The following MYT1L variants were observed in gnomAD, a reference collection of about 807,000 sequenced individuals.
The protein encoded by MYT1L is myelin transcription factor 1 like.
MYT1L carries 12 observed loss-of-function variants against 126.7 expected under a neutral mutation model. That is an observed-to-expected ratio of 0.09 (90% CI 0.06 to 0.15). The LOEUF is 0.15. MYT1L is among the 10% of genes least tolerant of loss of function. The pLI, the probability that MYT1L is intolerant of heterozygous loss-of-function variation, is 1.00. For missense variants in MYT1L, 979 were observed against 1,585.2 expected, an observed-to-expected ratio of 0.62 and a Z score of 6.49; for synonymous variants, 541 against 604.2, an observed-to-expected ratio of 0.90 and a Z score of 1.53.
chr2:1,797,235 G>A (rs1188356122), intron 23 of MYT1L, among the ~76,000 whole-genome samples: 1 of 152,146 alleles, frequency 6.6e-6, no homozygotes, highest in Non-Finnish European at 1.5e-5. Context: ...TTAGAGACTG[G>A]GAAGGGACCG....
intron 4 of MYT1L, among the ~76,000 whole-genome samples, chr2:2,044,327 C>T (rs1306802354): frequency 6.6e-6 from 1 of 152,208 alleles, no homozygotes; most frequent in Non-Finnish European, 1.5e-5. Context: ...CTAACTATAT[C>T]TGAAGTTATC....
At chr2:2,322,374 T>C (rs2149703064) in intron 1 of MYT1L, among the ~76,000 whole-genome samples, 1 of 152,278 alleles carries the variant, frequency 6.6e-6, no homozygotes, top group South Asian at 2.1e-4. Flanking sequence ...AGGCTGCTTT[T>C]CTTTCCAAAG....
chr2:2,271,272 A>G (rs2149343128), intron 2 of MYT1L, among the ~76,000 whole-genome samples: 1 of 152,312 alleles, frequency 6.6e-6, no homozygotes, highest in Middle Eastern at 3.4e-3. Context: ...AGTTGCCCAC[A>G]CAGTCCAAGA....
chr2:1,947,434 G>A (rs1029000668), intron 8 of MYT1L, among the ~76,000 whole-genome samples: 2 of 152,194 alleles, frequency 1.3e-5, no homozygotes, highest in East Asian at 1.9e-4. Context: ...CAATGTATCC[G>A]GCTAGGAGGA....
chr2:2,120,426 G>T (rs1050537982), intron 3 of MYT1L, among the ~76,000 whole-genome samples: 1 of 151,980 alleles, frequency 6.6e-6, no homozygotes, highest in African/African-American at 2.4e-5. Context: ...TTACCTCTCT[G>T]CTTGTCTCTT....
chr2:2,300,276 G>A lies in MYT1L; in HGVS notation c.-520-15773C>T, dbSNP rs370892622. The stretch of plus-strand genomic sequence containing the variant: ...CATTTGACTTCTGATTGCCTCTGGA[G>A]TTCCTTTTACTTACTATGGAGAAGA... On this transcript the variant is annotated intron_variant, in intron 1 of 24. Transcript: ENST00000647738. Among the ~76,000 whole-genome samples the A allele has an allele frequency of 1.9e-4, 29 of 152,314 alleles. No individual in the cohort carries two copies. In the East Asian group the frequency reaches 4.4e-3, roughly 23 times the overall value.
chr2:2,314,686 T>C (rs1391371677), intron 1 of MYT1L, among the ~76,000 whole-genome samples: 5 of 152,184 alleles, frequency 3.3e-5, no homozygotes, highest in Admixed American at 3.3e-4. Flanking sequence ...CCACATGTAT[T>C]AGCTATTTAT....
chr2:1,864,398 C>T (rs560201561), intron 18 of MYT1L, among the ~76,000 whole-genome samples: 8 of 152,194 alleles, frequency 5.3e-5, no homozygotes, highest in East Asian at 1.9e-4. Context: ...ACAGTCTTGC[C>T]GCTCCCTCCC....
At chr2:2,317,281 A>G (rs2096081946) in intron 1 of MYT1L, among the ~76,000 whole-genome samples, 1 of 152,176 alleles carries the variant, frequency 6.6e-6, no homozygotes, top group South Asian at 2.1e-4. Context: ...CGTCTCTGCA[A>G]AATGGTGACA....
intron 4 of MYT1L, among the ~76,000 whole-genome samples, chr2:2,016,020 C>T (rs1190402730): frequency 6.6e-6 from 1 of 152,176 alleles, no homozygotes; most frequent in Non-Finnish European, 1.5e-5. Flanking sequence ...AGGACACACA[C>T]CATCCACTGT....
chr2:2,225,420 A>G (rs1052842358), intron 2 of MYT1L, among the ~76,000 whole-genome samples: 1 of 150,854 alleles, frequency 6.6e-6, no homozygotes, highest in Non-Finnish European at 1.5e-5. Flanking sequence ...GTTGCAAACC[A>G]CCTCCCCGTC....
At chr2:2,279,893 C>T (rs574310554) in intron 2 of MYT1L, among the ~76,000 whole-genome samples, 55 of 152,172 alleles carry the variant, frequency 3.6e-4, no homozygotes, top group African/African-American at 1.1e-3. Context: ...ACAGCACTTA[C>T]GTGATTTATC....
chr2:1,919,195 T>C (rs1382442346), intron 10 of MYT1L, among the ~76,000 whole-genome samples: 1 of 152,204 alleles, frequency 6.6e-6, no homozygotes. Flanking sequence ...GAAAACAATG[T>C]GGCTCCAAAG....
chr2:1,831,916 G>A (rs184162688), intron 21 of MYT1L, among the ~76,000 whole-genome samples: 16 of 152,198 alleles, frequency 1.1e-4, no homozygotes, highest in East Asian at 1.9e-4. Context: ...GCTGATTTCC[G>A]ATTCCTACGC....
intron 3 of MYT1L, among the ~76,000 whole-genome samples, chr2:2,076,996 T>C (rs1279186327): frequency 2.0e-5 from 3 of 152,080 alleles, no homozygotes; most frequent in African/African-American, 4.8e-5. Context: ...AATACAGAAA[T>C]AGATATTATA....
intron 3 of MYT1L, among the ~76,000 whole-genome samples, chr2:2,170,901 G>C (rs2089955087): frequency 6.6e-6 from 1 of 152,188 alleles, no homozygotes. Context: ...GGACTGATGA[G>C]GACTGAATGA....
chr2:1,814,378 C>T (rs541101073), intron 21 of MYT1L, among the ~76,000 whole-genome samples: 1 of 152,204 alleles, frequency 6.6e-6, no homozygotes, highest in African/African-American at 2.4e-5. Context: ...CGCCCTGGAG[C>T]GCAGCCTCCC....
chr2:2,127,213 A>G (rs2081830520), intron 3 of MYT1L, among the ~76,000 whole-genome samples: 1 of 151,936 alleles, frequency 6.6e-6, no homozygotes, highest in Non-Finnish European at 1.5e-5. Context: ...CCCATTAGTT[A>G]TTTTTCTTCA....
At chr2:2,278,509 T>C (rs2095400818) in intron 2 of MYT1L, among the ~76,000 whole-genome samples, 1 of 152,240 alleles carries the variant, frequency 6.6e-6, no homozygotes, top group African/African-American at 2.4e-5. Context: ...ATTTGGCCAC[T>C]GTCGCTTATC....
Sources: allele counts gnomAD v4.1 joint callset (sites outside exome capture counted in the v4.1 genomes callset), GRCh38; gene constraint gnomAD v4.1.1; transcripts MANE v1.5; gene names NCBI Gene and HGNC (gene_info 2026-07-23, HGNC 2026-07-21).